The following GSTA1 variants were observed in gnomAD, a reference collection of about 807,000 sequenced individuals.
GSTA1 encodes the protein glutathione S-transferase A1.
In GSTA1, 23 loss-of-function variants were observed where a neutral mutation model predicts 21.5. The observed-to-expected ratio is 1.07, with a 90% confidence interval of 0.77 to 1.52. GSTA1 has a LOEUF of 1.52. GSTA1 is among the 40% of genes most tolerant of loss of function. The probability of loss-of-function intolerance (pLI) is 0.00; values close to 1 mark genes in which losing one functional copy is unlikely to be tolerated. For missense variants in GSTA1, 301 were observed against 264.2 expected (o/e 1.14, Z -0.96); for synonymous variants, 125 against 90.0 (o/e 1.39, Z -2.20).
At chr6:52,797,762 A>T (rs1581796690) in intron 2 of GSTA1, 125 bp from the exon 3 acceptor site, 1 of 811,228 alleles carries the variant, frequency 1.2e-6, no homozygotes, top group East Asian at 2.7e-5. Context: ...GGGTACACAG[A>T]GGGGGCTGGT....
At chr6:52,796,429 T>A in intron 3 of GSTA1, 115 bp from the exon 4 acceptor site, 3 of 1,348,246 alleles carry the variant, frequency 2.2e-6, no homozygotes, top group Non-Finnish European at 3.0e-6. Context: ...AATTACTGCC[T>A]GGTAAGATTT....
chr6:52,800,632 A>G (rs1344712461), intron 1 of GSTA1, among the ~76,000 whole-genome samples: 1 of 152,196 alleles, frequency 6.6e-6, no homozygotes, highest in Non-Finnish European at 1.5e-5. Context: ...GAGGTGGAAC[A>G]TAGCAGAGTA....
Position 52,791,776 on chromosome 6 carries a change from T to C in GSTA1, c.*82A>G. 1.3e-6 allele frequency: 2 copies of C among 1,535,712 alleles called. No individual in the cohort carries two copies. The highest frequency in any genetic ancestry group is 3.6e-5 in the Admixed American group (2 of 56,266). On this transcript the variant is annotated 3_prime_UTR_variant, in exon 7 of 7. Coordinates refer to ENST00000334575, the MANE Select transcript of GSTA1 (RefSeq NM_145740.5). ...TTCATTAGCTTCACAACAGGCACAA[T>C]CAACACTTAGGTAAAGTACTTTATT...
At chr6:52,796,639 G>T (rs1285789458) in intron 3 of GSTA1, among the ~76,000 whole-genome samples, 9 of 146,300 alleles carry the variant, frequency 6.2e-5, no homozygotes, top group Non-Finnish European at 1.2e-4. Flanking sequence ...TGCCTCCCAG[G>T]TTCAAGTGAC....
At chr6:52,792,473 G>A (rs866453271) in intron 6 of GSTA1, among the ~76,000 whole-genome samples, 15 of 152,210 alleles carry the variant, frequency 9.9e-5, no homozygotes, top group African/African-American at 2.6e-4. Context: ...AGCAGGAGCC[G>A]GAGCCCAGGG....
intron 2 of GSTA1, among the ~76,000 whole-genome samples, chr6:52,798,552 CA>C (rs1165031574): frequency 3.3e-4 from 34 of 102,934 alleles, no homozygotes; most frequent in Non-Finnish European, 4.9e-4. Context: ...CCTCTAATTA[CA>C]ATCATTTTTT....
At chr6:52,796,051 G>C in intron 4 of GSTA1, 131 bp downstream of exon 4, 1 of 1,318,920 alleles carries the variant, frequency 7.6e-7, no homozygotes, top group Non-Finnish European at 1.1e-6. Context: ...TGCAATACTG[G>C]ACCTCAGCGT....
intron 4 of GSTA1, among the ~76,000 whole-genome samples, chr6:52,794,888 C>A (rs1479219779): frequency 1.3e-5 from 2 of 152,208 alleles, no homozygotes; most frequent in Non-Finnish European, 2.9e-5. Context: ...TATACAGTTA[C>A]AACCAGTGCA....
intron 1 of GSTA1, among the ~76,000 whole-genome samples, chr6:52,802,735 ATC>A (rs1763746443): frequency 6.6e-6 from 1 of 152,098 alleles, no homozygotes; most frequent in Admixed American, 6.5e-5. Context: ...ATCATCTATT[ATC>A]TGTCTTGTAT....
chr6:52,795,661 T>C (rs550460285), intron 4 of GSTA1, among the ~76,000 whole-genome samples: 1 of 152,288 alleles, frequency 6.6e-6, no homozygotes, highest in East Asian at 1.9e-4. Context: ...TGTGTCAAGG[T>C]AACCCCAGCA....
intron 1 of GSTA1, among the ~76,000 whole-genome samples, chr6:52,800,394 C>G (rs1055523765): frequency 2.6e-5 from 4 of 152,108 alleles, no homozygotes; most frequent in Non-Finnish European, 4.4e-5. Context: ...ATTGTGAAAG[C>G]CCATTACTTT....
At position 52,791,737 on chromosome 6, in the gene GSTA1, A is replaced by G. The variant is rs375964370; in HGVS notation, c.*121T>C. The G allele has an allele frequency of 9.2e-5, 106 of 1,148,556 alleles. No individual in the cohort carries two copies. Among genetic ancestry groups the G allele is most frequent in the Middle Eastern group, 6.0e-4 (3 of 4,980 alleles). 71.1% of individuals were successfully genotyped at this position (1,148,556 alleles called of 1,614,324 possible). On this transcript the variant is annotated 3_prime_UTR_variant, in exon 7 of 7. Coordinates refer to ENST00000334575, the MANE Select transcript of GSTA1 (RefSeq NM_145740.5). ...AGGAGTTGTATTATTTAATTAGCAT[A>G]TAATTTGAAAGAGTTCATTAGCTTC...
In GSTA1 at chr6:52,794,234, A is replaced by T; in HGVS notation, c.305T>A (p.Leu102Ter). Residue 102 changes from leucine (L) to a stop codon, truncating the protein, a stop_gained, in exon 5 of 7, where the codon TTG becomes TAG. Transcript: ENST00000334575. LOFTEE classifies it high-confidence loss of function. Reference sequence around the variant, plus strand: ...GGGCAGAAGGAGGATCATTTCACCCAAATCTGCTATACCTTCTATATACAT... The same window carrying T: ...GGGCAGAAGGAGGATCATTTCACCCTAATCTGCTATACCTTCTATATACAT... ...IDMYIEGIAD[L>*]GEMILLLPVC... 6.2e-7 allele frequency: 1 copy of T among 1,613,722 alleles called. No homozygotes were observed. Among genetic ancestry groups the T allele is most frequent in the Non-Finnish European group, 8.5e-7 (1 of 1,179,626 alleles).
intron 5 of GSTA1, among the ~76,000 whole-genome samples, chr6:52,793,558 T>C (rs1448775791): frequency 2.0e-5 from 3 of 152,190 alleles, no homozygotes; most frequent in South Asian, 4.1e-4. Context: ...CAACTGGCAC[T>C]ATGTTATAAT....
In GSTA1 at chr6:52,791,493, G is replaced by T. The variant is rs1413273139; in HGVS notation, c.*365C>A. 6.6e-6 allele frequency among the ~76,000 whole-genome samples: 1 copy of T among 152,214 alleles called. No individual in the cohort carries two copies. Among genetic ancestry groups the T allele is most frequent in the African/African-American group, 2.4e-5 (1 of 41,454 alleles). On this transcript the variant is annotated 3_prime_UTR_variant, in exon 7 of 7. Transcript: ENST00000334575. ...TCTTCTCCTGTGCATACCTGAAAAT[G>T]TCAGAAGTGCATTTCTACATTGACA... is the stretch of plus-strand genomic sequence containing the variant.
At position 52,791,997 on chromosome 6, in the gene GSTA1, A is replaced by T. The variant is rs779341627; in HGVS notation, c.547-17T>A. The T allele has an allele frequency of 1.2e-6, 2 of 1,613,894 alleles. No homozygotes were observed. The highest frequency in any genetic ancestry group is 1.7e-6 in the Non-Finnish European group (2 of 1,179,848). On this transcript the variant is annotated splice_polypyrimidine_tract_variant and intron_variant, in intron 6 of 6. Coordinates refer to ENST00000334575, the MANE Select transcript of GSTA1 (RefSeq NM_145740.5). ...TTTCAGGGCCTGTAATTCATAAAGC[A>T]CAGCCTCAGAGTGAAGCCAAGGGCT... is the stretch of plus-strand genomic sequence containing the variant.
chr6:52,799,211 G>T lies in GSTA1; in HGVS notation c.57C>A (p.Thr19=). 1 of 1,613,950 alleles carries T rather than the reference G, an allele frequency of 6.2e-7. No individual in the cohort carries two copies. The change falls in exon 2 of 7, where the codon ACC becomes ACA. Residue 19 remains threonine, a synonymous_variant. Transcript: ENST00000334575. ...YFNARGRMES[T]RWLLAAAGVE... Reference sequence around the variant, plus strand: ...CTCCAGCTGCAGCCAGGAGCCACCGGGTGGACTCCATTCTGCCCCGTGCAT... The same window carrying T: ...CTCCAGCTGCAGCCAGGAGCCACCGTGTGGACTCCATTCTGCCCCGTGCAT...
chr6:52,797,415 A>T (rs1285477941), intron 3 of GSTA1, among the ~76,000 whole-genome samples, 171 bp downstream of exon 3: 7 of 152,086 alleles, frequency 4.6e-5, no homozygotes, highest in Non-Finnish European at 1.0e-4. Flanking sequence ...ACCTGGAGAG[A>T]GTTGCCAGAC....
intron 1 of GSTA1, among the ~76,000 whole-genome samples, chr6:52,800,636 C>G (rs1763693995): frequency 6.6e-6 from 1 of 152,108 alleles, no homozygotes; most frequent in Non-Finnish European, 1.5e-5. Context: ...TGGAACATAG[C>G]AGAGTATCAG....
Sources: allele counts gnomAD v4.1 joint callset (sites outside exome capture counted in the v4.1 genomes callset), GRCh38; gene constraint gnomAD v4.1.1; transcripts MANE v1.5; gene names NCBI Gene and HGNC (gene_info 2026-07-23, HGNC 2026-07-21).